DPH6: variants seen among roughly 807,000 people sequenced by gnomAD.
DPH6 encodes diphthine--ammonia ligase.
A neutral mutation model predicts 38.2 loss-of-function variants in DPH6; 33 were observed. The ratio of observed to expected loss-of-function variants is 0.86; its 90% CI spans 0.65 to 1.15. The LOEUF (loss-of-function observed/expected upper bound fraction) is 1.15. DPH6 is among the 50% of genes most tolerant of loss of function. The pLI, the probability that DPH6 is intolerant of heterozygous loss-of-function variation, is 0.00. For missense variants in DPH6, 325 were observed against 320.0 expected, an observed-to-expected ratio of 1.02 and a Z score of -0.12; for synonymous variants, 108 against 103.0, an observed-to-expected ratio of 1.05 and a Z score of -0.30.
intron 3 of DPH6, among the ~76,000 whole-genome samples, chr15:35,239,415 G>C (rs1171145578): frequency 6.9e-6 from 1 of 143,944 alleles, no homozygotes; most frequent in Admixed American, 7.5e-5. Context: ...GCCTTCCCTT[G>C]GTGTTTAATC....
chr15:35,516,670 A>G (rs143930612), intron 3 of DPH6, among the ~76,000 whole-genome samples: 415 of 152,314 alleles, frequency 2.7e-3, no homozygotes, highest in African/African-American at 9.5e-3. Context: ...ATTAAAGGAT[A>G]AAAACATACA....
At chr15:35,285,872 G>GTTTTTTTCTTTTTTTTTTTTTTTTTTTT (rs1555391171) in intron 3 of DPH6, among the ~76,000 whole-genome samples, 1 of 52,794 alleles carries the variant, frequency 1.9e-5, no homozygotes, top group Non-Finnish European at 3.3e-5. Context: ...TTATCTTTGA[G>GTTTTTTTCTTTTTTTTTTTTTTTTTTTT]TTTTTTTTTT....
At chr15:35,346,712 T>C (rs756168896) in intron 3 of DPH6, among the ~76,000 whole-genome samples, 7 of 152,158 alleles carry the variant, frequency 4.6e-5, no homozygotes, top group Admixed American at 6.6e-5. Flanking sequence ...GCTTAGGTCA[T>C]TGATTTTCAG....
chr15:35,476,141 T>C (rs927924392), intron 3 of DPH6, among the ~76,000 whole-genome samples: 5 of 151,880 alleles, frequency 3.3e-5, no homozygotes, highest in Non-Finnish European at 7.4e-5. Context: ...GAAATATTCC[T>C]AGCTGATCGA....
At chr15:35,267,787 C>T (rs1426751716) in intron 3 of DPH6, among the ~76,000 whole-genome samples, 1 of 152,128 alleles carries the variant, frequency 6.6e-6, no homozygotes, top group Non-Finnish European at 1.5e-5. Flanking sequence ...TCTTGGGTTT[C>T]TTAGTCCAGT....
chr15:35,167,202 T>C, the DPH6 span, among the ~76,000 whole-genome samples: 2 of 152,032 alleles, frequency 1.3e-5, no homozygotes, highest in Admixed American at 6.6e-5. Flanking sequence ...TTATCTTTTT[T>C]AAAACCACTG....
In DPH6 at chr15:35,371,803, T is replaced by C. The variant is rs1437804386; in HGVS notation, c.*347A>G. 13 of 1,012,938 alleles carry C rather than the reference T, an allele frequency of 1.3e-5. No individual in the cohort carries two copies. In the East Asian group the frequency reaches 4.2e-4, roughly 33 times the overall value. The allele number at this position is 1,012,938 out of a possible 1,614,324, so 62.7% of individuals were successfully genotyped here. On this transcript the variant is annotated 3_prime_UTR_variant, in exon 9 of 9. Coordinates refer to ENST00000256538, the MANE Select transcript of DPH6 (RefSeq NM_080650.4). Reference sequence around the variant, plus strand: ...TGCATCATGACATTATTGGTAGGGATTGGAGCAAGAAAGAGAGAAGGAGGA... The same window carrying C: ...TGCATCATGACATTATTGGTAGGGACTGGAGCAAGAAAGAGAGAAGGAGGA...
the DPH6 span, among the ~76,000 whole-genome samples, chr15:35,151,675 G>A: frequency 6.6e-6 from 1 of 152,192 alleles, no homozygotes; most frequent in African/African-American, 2.4e-5. Flanking sequence ...CACCTGTCCA[G>A]TGTGGTGCCT....
At chr15:35,455,854 C>T (rs566747379) in intron 3 of DPH6, among the ~76,000 whole-genome samples, 1 of 152,008 alleles carries the variant, frequency 6.6e-6, no homozygotes, top group African/African-American at 2.4e-5. Context: ...TCTGGTCTTA[C>T]CAAACTTGGA....
intron 3 of DPH6, among the ~76,000 whole-genome samples, chr15:35,274,881 C>T (rs180757541): frequency 2.0e-5 from 3 of 152,018 alleles, no homozygotes; most frequent in African/African-American, 7.2e-5. Context: ...ACCCAGCAAT[C>T]CCATTATTGG....
At chr15:35,222,119 GAA>G (rs2051446837) in intron 3 of DPH6, among the ~76,000 whole-genome samples, 1 of 152,110 alleles carries the variant, frequency 6.6e-6, no homozygotes, top group African/African-American at 2.4e-5. Context: ...TTCTGATCAT[GAA>G]CACTTACATA....
the DPH6 span, among the ~76,000 whole-genome samples, chr15:35,177,300 C>T: frequency 6.6e-6 from 1 of 151,892 alleles, no homozygotes; most frequent in Non-Finnish European, 1.5e-5. Flanking sequence ...TTGGGCCATG[C>T]ACGGTGGCTC....
At chr15:35,479,973 T>A (rs1398471246) in intron 3 of DPH6, among the ~76,000 whole-genome samples, 1 of 152,224 alleles carries the variant, frequency 6.6e-6, no homozygotes, top group South Asian at 2.1e-4. Flanking sequence ...AATATATTTA[T>A]TATTGAATTA....
At position 35,531,640 on chromosome 15, in the gene DPH6, A is replaced by G. The variant is rs150873627; in HGVS notation, c.312+6634T>C. ...AGGCACGCACCACCACGCCCAGCTA[A>G]TTTTTGTATTTTAGTACAGACGAGG... is the stretch of plus-strand genomic sequence containing the variant. On this transcript the variant is annotated intron_variant, in intron 3 of 8. Coordinates refer to ENST00000256538, the MANE Select transcript of DPH6 (RefSeq NM_080650.4). Among the ~76,000 whole-genome samples, 385 of 151,980 alleles carry G rather than the reference A, an allele frequency of 2.5e-3. 1 individual carries two copies. Among genetic ancestry groups the G allele is most frequent in the African/African-American group, 8.7e-3 (361 of 41,466 alleles).
chr15:35,390,671 A>C (rs993604741), intron 6 of DPH6, among the ~76,000 whole-genome samples: 3 of 152,064 alleles, frequency 2.0e-5, no homozygotes, highest in African/African-American at 7.2e-5. Flanking sequence ...CGTAGTTCTC[A>C]TGCCATGGTT....
chr15:35,480,284 A>G (rs2141147078), intron 3 of DPH6, among the ~76,000 whole-genome samples: 1 of 152,254 alleles, frequency 6.6e-6, no homozygotes, highest in Non-Finnish European at 1.5e-5. Context: ...ATATATAAGC[A>G]CTTTACAAGC....
intron 3 of DPH6, among the ~76,000 whole-genome samples, chr15:35,501,208 A>C (rs912229553): frequency 1.3e-5 from 2 of 152,194 alleles, no homozygotes; most frequent in Admixed American, 1.3e-4. Flanking sequence ...CAGTAATAAT[A>C]AGATACAGAA....
rs956045222 is a variant in DPH6 at position 35,242,179 on chromosome 15, A to G, written n.201-21597T>C. Among the ~76,000 whole-genome samples the G allele has an allele frequency of 7.8e-5, 11 of 141,468 alleles. 1 individual carries two copies. Among genetic ancestry groups the G allele is most frequent in the Non-Finnish European group, 1.7e-4 (11 of 64,678 alleles). 92.8% of individuals were successfully genotyped at this position (141,468 alleles called of 152,430 possible). ...CCCCCATTACTTCAGTCAAGCCCAAATTTCATCCTCATCTGTTACCTATCT... is the reference window on the plus strand; with the variant it reads ...CCCCCATTACTTCAGTCAAGCCCAAGTTTCATCCTCATCTGTTACCTATCT... On this transcript the variant is annotated intron_variant and non_coding_transcript_variant, in intron 3 of 3. Coordinates refer to the DPH6 transcript ENST00000560386.
chr15:35,474,965 AAAAAAG>A (rs1747631395), intron 3 of DPH6, among the ~76,000 whole-genome samples: 2 of 152,066 alleles, frequency 1.3e-5, no homozygotes, highest in South Asian at 4.1e-4. Flanking sequence ...GGGATTAAGA[AAAAAAG>A]AAAAAGAAAA....
Sources: allele counts gnomAD v4.1 joint callset (sites outside exome capture counted in the v4.1 genomes callset), GRCh38; gene constraint gnomAD v4.1.1; transcripts MANE v1.5; gene names NCBI Gene and HGNC (gene_info 2026-07-23, HGNC 2026-07-21).